The following TEX15 variants were observed in gnomAD, a reference collection of about 807,000 sequenced individuals.
TEX15 encodes the protein testis-expressed protein 15.
TEX15 carries 171 observed loss-of-function variants against 237.3 expected under a neutral mutation model. The ratio of observed to expected loss-of-function variants is 0.72; its 90% CI spans 0.64 to 0.82. The LOEUF (loss-of-function observed/expected upper bound fraction) is 0.82. TEX15 is among the 40% of genes least tolerant of loss of function. The pLI, the probability that TEX15 is intolerant of heterozygous loss-of-function variation, is 0.00. For missense variants in TEX15, 3,750 were observed against 3,646.5 expected (o/e 1.03, Z -0.73); for synonymous variants, 1,338 against 1,269.8 (o/e 1.05, Z -1.14).
Position 30,848,384 on chromosome 8 carries a change from T to C in TEX15, c.1783A>G (p.Thr595Ala). 1.2e-6 allele frequency: 2 copies of C among 1,614,116 alleles called. No individual in the cohort carries two copies. The highest frequency in any genetic ancestry group is 1.7e-6 in the Non-Finnish European group (2 of 1,180,004). The change falls in exon 8 of 11, where the codon ACT (threonine) becomes GCT (alanine). Residue 595 changes from threonine (T) to alanine (A), a missense_variant. Physicochemically the swap from Thr to Ala is moderately conservative, Grantham distance 58. Coordinates refer to ENST00000643185, the MANE Select transcript of TEX15 (RefSeq NM_001350162.2). ...AAAACTGTAGACGTTTGGCAACCAGTCTGATAAATTGTTTTTAAATCAGAA... is the reference window on the plus strand; with the variant it reads ...AAAACTGTAGACGTTTGGCAACCAGCCTGATAAATTGTTTTTAAATCAGAA... ...QSSDLKTIYQ[T>A]GCQTSTVFPL... is the part of the protein sequence containing the mutation.
intron 5 of TEX15, among the ~76,000 whole-genome samples, chr8:30,863,718 T>G (rs992014111): frequency 6.6e-6 from 1 of 151,788 alleles, no homozygotes; most frequent in Non-Finnish European, 1.5e-5. Context: ...CAGGAGAAAT[T>G]AGAAAATCAG....
Position 30,844,874 on chromosome 8 carries a change from C to T in TEX15, c.5293G>A (p.Glu1765Lys), listed in dbSNP as rs760907100. ...PHCEQSCREK[E>K]LLKTEQCSSG... ...GAGCACTGTTCTGTCTTTAGAAGCT[C>T]TTTTTCTCTACAGCTCTGCTCACAG... Residue 1765 changes from glutamate to lysine, a missense_variant, in exon 8 of 11, where the codon GAG becomes AAG. Coordinates refer to ENST00000643185, the MANE Select transcript of TEX15 (RefSeq NM_001350162.2). 49 of 1,613,254 alleles carry T rather than the reference C, an allele frequency of 3.0e-5. No homozygotes were observed. The highest frequency in any genetic ancestry group is 4.1e-5 in the Non-Finnish European group (48 of 1,179,548).
At chr8:30,864,809 A>G (rs1808126088) in intron 5 of TEX15, among the ~76,000 whole-genome samples, 1 of 152,080 alleles carries the variant, frequency 6.6e-6, no homozygotes, top group Non-Finnish European at 1.5e-5. Context: ...AGCAATATAC[A>G]TAATATAAAT....
At chr8:30,885,942 GAT>G (rs1346937537) in intron 3 of TEX15, among the ~76,000 whole-genome samples, 1 of 152,132 alleles carries the variant, frequency 6.6e-6, no homozygotes, top group African/African-American at 2.4e-5. Flanking sequence ...TCTTTGATGA[GAT>G]TTTCTAGCTT....
intron 2 of TEX15, among the ~76,000 whole-genome samples, chr8:30,895,041 C>T (rs560652216): frequency 3.4e-4 from 52 of 152,182 alleles, no homozygotes; most frequent in African/African-American, 1.2e-3. Flanking sequence ...CTATAAGTTA[C>T]CCAGTTTATG....
Position 30,877,679 on chromosome 8 carries a change from G to A in TEX15, c.137-2577C>T, listed in dbSNP as rs551784855. On this transcript the variant is annotated intron_variant, in intron 3 of 10. Coordinates refer to ENST00000643185, the MANE Select transcript of TEX15 (RefSeq NM_001350162.2). ...TTTTGAAATGAATCTAGATTCACAG[G>A]AAGTTGCAAAAACAGTTCACAGAGG... Among the ~76,000 whole-genome samples, 7 of 152,174 alleles carry A rather than the reference G, an allele frequency of 4.6e-5. No individual in the cohort carries two copies. In the South Asian group the frequency reaches 1.5e-3, roughly 32 times the overall value.
chr8:30,896,810 T>A (rs1359075875), intron 2 of TEX15, among the ~76,000 whole-genome samples: 2 of 152,164 alleles, frequency 1.3e-5, no homozygotes, highest in Non-Finnish European at 1.5e-5. Context: ...AGTATCTGGA[T>A]AAAAGTAATA....
intron 3 of TEX15, among the ~76,000 whole-genome samples, chr8:30,886,268 C>T (rs1167067477): frequency 6.6e-6 from 1 of 152,200 alleles, no homozygotes; most frequent in Non-Finnish European, 1.5e-5. Context: ...CTCTTTAATA[C>T]TATGCAGAGG....
At chr8:30,855,686 A>C (rs1443851804) in intron 7 of TEX15, among the ~76,000 whole-genome samples, 1 of 152,222 alleles carries the variant, frequency 6.6e-6, no homozygotes, top group Non-Finnish European at 1.5e-5. Flanking sequence ...AGATGGAAAC[A>C]ACCCAAATGT....
At chr8:30,856,084 T>C (rs1363360146) in intron 7 of TEX15, among the ~76,000 whole-genome samples, 2 of 152,056 alleles carry the variant, frequency 1.3e-5, no homozygotes, top group African/African-American at 2.4e-5. Context: ...TAGCTGGGAT[T>C]ATAGGCGCCT....
At chr8:30,861,383 C>T (rs1435715908) in intron 5 of TEX15, among the ~76,000 whole-genome samples, 2 of 152,060 alleles carry the variant, frequency 1.3e-5, no homozygotes, top group African/African-American at 4.8e-5. Context: ...CCATAAACAA[C>T]AAATGATTTA....
Position 30,848,852 on chromosome 8 carries a change from T to C in TEX15, c.1315A>G (p.Arg439Gly), listed in dbSNP as rs769797437. 4.3e-6 allele frequency: 7 copies of C among 1,613,974 alleles called. No homozygotes were observed. The African/African-American group carries it at 5.3e-5, about 12-fold the overall frequency. Residue 439 changes from arginine (R) to glycine (G), a missense_variant, in exon 8 of 11, where the codon AGA becomes GGA. Coordinates refer to ENST00000643185, the MANE Select transcript of TEX15 (RefSeq NM_001350162.2). ...CTCTGTTCTCCCATACTTTCTTCTC[T>C]CCTCATCAGTCTTGGGTCTTTGATG... Reference protein sequence around the residue: ...KSIKDPRLMRREESMGEQSST... With the variant: ...KSIKDPRLMRGEESMGEQSST...
At chr8:30,887,546 C>T in intron 2 of TEX15, 1 of 314,430 alleles carries the variant, frequency 3.2e-6, no homozygotes, top group Admixed American at 5.0e-5. Flanking sequence ...CACCTGTAAT[C>T]CCAGCACTTT....
rs761223314 is a variant in TEX15 at position 30,846,451 on chromosome 8, A to G, written c.3716T>C (p.Leu1239Pro). 6.2e-7 allele frequency: 1 copy of G among 1,613,386 alleles called. No homozygotes were observed. The highest frequency in any genetic ancestry group is 1.1e-5 in the South Asian group (1 of 91,062). The change falls in exon 8 of 11, where the codon CTT becomes CCT. Residue 1239 changes from leucine to proline, a missense_variant. By Grantham distance (98) the Leu-to-Pro change is moderately conservative (BLOSUM62 -3). Coordinates refer to ENST00000643185, the MANE Select transcript of TEX15 (RefSeq NM_001350162.2). ...SGPVSNSEIS[L>P]SFDLSRNTDV... ...TGTATTACGACTCAAGTCAAAAGAA[A>G]GGGAGATTTCAGAGTTACTCACTGG...
chr8:30,887,270 T>G lies in TEX15; in HGVS notation c.33A>C (p.Thr11=), dbSNP rs763224782. The G allele has an allele frequency of 6.5e-7, 1 of 1,535,384 alleles. No homozygotes were observed. The highest frequency in any genetic ancestry group is 2.0e-5 in the Admixed American group (1 of 50,890). MEMKETAKQD[T]LWQMSSTSKP... is the part of the protein sequence containing the mutation. ...TGCTAGTTGAGCTCATTTGCCACAG[T>G]GTATCCTGTTTAGCAGTTTCTTTCA... Residue 11 remains threonine (T), a synonymous_variant, in exon 3 of 11, where the codon ACA becomes ACC. Transcript: ENST00000643185.
chr8:30,887,889 C>CATAT (rs36204928), intron 2 of TEX15: 3,126 of 107,526 alleles, frequency 0.029, 73 homozygotes, highest in Non-Finnish European at 0.043. Flanking sequence ...ATATATATTT[C>CATAT]ATATATATAT....
Position 30,842,867 on chromosome 8 carries a change from C to A in TEX15, c.7300G>T (p.Ala2434Ser). ...LDVVINHSHE[A>S]IILKPEAIEM... is the part of the protein sequence containing the mutation. ...ATAGCTTCAGGCTTTAAAATGATAG[C>A]CTCATGGCTGTGGTTTATCACCACG... Residue 2434 changes from alanine to serine, a missense_variant, in exon 8 of 11, where the codon GCT (alanine) becomes TCT (serine). Physicochemically the swap from Ala to Ser is moderately conservative, Grantham distance 99. Coordinates refer to ENST00000643185, the MANE Select transcript of TEX15 (RefSeq NM_001350162.2). The A allele has an allele frequency of 6.2e-7, 1 of 1,611,568 alleles. No individual in the cohort carries two copies. The highest frequency in any genetic ancestry group is 1.7e-5 in the Admixed American group (1 of 59,748).
chr8:30,844,239 T>G lies in TEX15; in HGVS notation c.5928A>C (p.Lys1976Asn), dbSNP rs759199439. The change falls in exon 8 of 11, where the codon AAA (lysine) becomes AAC (asparagine). Residue 1976 changes from lysine to asparagine, a missense_variant. Coordinates refer to ENST00000643185, the MANE Select transcript of TEX15 (RefSeq NM_001350162.2). ...TAAAATCACTCACGTATGACGCAGG[T>G]TTCTTCAGAAGAGTAGGGACTTTAC... ...ETCKVPTLLK[K>N]PASYVSDFKE... The G allele has an allele frequency of 2.4e-5, 39 of 1,612,398 alleles. No homozygotes were observed. The highest frequency in any genetic ancestry group is 3.3e-5 in the Non-Finnish European group (39 of 1,179,362).
chr8:30,861,786 G>C (rs1808055719), intron 5 of TEX15, among the ~76,000 whole-genome samples: 1 of 152,052 alleles, frequency 6.6e-6, no homozygotes, highest in South Asian at 2.1e-4. Flanking sequence ...GAGAAGCCTA[G>C]CTCTTAAAAT....
Sources: allele counts gnomAD v4.1 joint callset (sites outside exome capture counted in the v4.1 genomes callset), GRCh38; gene constraint gnomAD v4.1.1; transcripts MANE v1.5; gene names NCBI Gene and HGNC (gene_info 2026-07-23, HGNC 2026-07-21).